RAC2: variants seen among roughly 807,000 people sequenced by gnomAD.
RAC2 encodes the protein Rac family small GTPase 2, also known as ras-related C3 botulinum toxin substrate 2.
A neutral mutation model predicts 24.0 loss-of-function variants in RAC2; 1 was observed. That is an observed-to-expected ratio of 0.04 (90% CI 0.01 to 0.20). RAC2 has a LOEUF of 0.20. Among genes scored for constraint, RAC2 ranks in the 10% least tolerant of loss-of-function variants. The pLI is 1.00. For synonymous variants in RAC2, 114 were observed against 106.8 expected, an observed-to-expected ratio of 1.07 and a Z score of -0.41; for missense variants, 130 against 259.1, an observed-to-expected ratio of 0.50 and a Z score of 3.42.
At chr22:37,238,521 T>C (rs918044426) in intron 2 of RAC2, among the ~76,000 whole-genome samples, 5 of 152,194 alleles carry the variant, frequency 3.3e-5, no homozygotes, top group African/African-American at 1.2e-4. Flanking sequence ...ATTACAGGCA[T>C]GAGCCACGGC....
chr22:37,226,627 C>T, intron 6 of RAC2, 44 bp downstream of exon 6: 1 of 1,605,888 alleles, frequency 6.2e-7, no homozygotes, highest in South Asian at 1.1e-5. Flanking sequence ...TCAGCCAGGG[C>T]CTGCTGTGTA....
At chr22:37,237,972 G>A (rs1002105992) in intron 2 of RAC2, among the ~76,000 whole-genome samples, 20 of 152,010 alleles carry the variant, frequency 1.3e-4, no homozygotes, top group East Asian at 5.8e-4. Flanking sequence ...TCAAGGAGGC[G>A]ATGTTTAAGC....
chr22:37,233,440 G>A lies in RAC2; in HGVS notation c.108-522C>T, dbSNP rs1010309689. 2.6e-4 allele frequency among the ~76,000 whole-genome samples: 39 copies of A among 152,050 alleles called. 1 individual carries two copies. The highest frequency in any genetic ancestry group is 5.3e-4 in the Non-Finnish European group (36 of 67,994). ...TGGGATTACAGGCATGCACCACCAC[G>A]CCCAGCTAATTTTTGTATTTTTAGT... On this transcript the variant is annotated intron_variant, in intron 2 of 6. Transcript: ENST00000249071.
At chr22:37,241,278 C>G in intron 2 of RAC2, 3 of 687,734 alleles carry the variant, frequency 4.4e-6, no homozygotes, top group East Asian at 2.6e-5. Context: ...CGCAGAAGCT[C>G]CTCTCCCAGC....
Position 37,231,028 on chromosome 22 carries a change from A to G in RAC2, c.448+203T>C, listed in dbSNP as rs1315392409. 6.6e-6 allele frequency among the ~76,000 whole-genome samples: 1 copy of G among 152,202 alleles called. No homozygotes were observed. Among genetic ancestry groups the G allele is most frequent in the Non-Finnish European group, 1.5e-5 (1 of 68,018 alleles). Reference sequence around the variant, plus strand: ...CCAACCACCCCAGGAGGCAGGAGCTATCACTATCCCATGCTTTTCTGATAA... The same window carrying G: ...CCAACCACCCCAGGAGGCAGGAGCTGTCACTATCCCATGCTTTTCTGATAA... On this transcript the variant is annotated intron_variant, in intron 5 of 6. Transcript: ENST00000249071. The surrounding 1 kb of genome is among the most constrained non-coding windows in gnomAD (Gnocchi z 5.5).
chr22:37,239,505 A>G (rs1402899308), intron 2 of RAC2, among the ~76,000 whole-genome samples: 2 of 152,148 alleles, frequency 1.3e-5, no homozygotes, highest in African/African-American at 4.8e-5. Context: ...AAAGTCCACT[A>G]GGGGCCACCA....
At position 37,231,787 on chromosome 22, in the gene RAC2, C is replaced by T. The variant is rs1927070788; in HGVS notation, c.288+145G>A. On this transcript the variant is annotated intron_variant, in intron 4 of 6. Coordinates refer to ENST00000249071, the MANE Select transcript of RAC2 (RefSeq NM_002872.5). The surrounding 1 kb of genome is among the most constrained non-coding windows in gnomAD (Gnocchi z 5.5). The stretch of plus-strand genomic sequence containing the variant: ...CTCTGAATCTTACCCCCTCAAGTCC[C>T]TCTGCCAGCCCTGGTTGGCACTGGG... 1.0e-6 allele frequency: 1 copy of T among 960,238 alleles called. No individual in the cohort carries two copies. The highest frequency in any genetic ancestry group is 1.6e-5 in the African/African-American group (1 of 61,434). The allele number at this position is 960,238 out of a possible 1,614,324, so 59.5% of individuals were successfully genotyped here. A position where few individuals can be genotyped will look rare whatever the true frequency, so the allele number is the denominator to read the frequency against.
rs370821323 is a variant in RAC2 at position 37,244,157 on chromosome 22, G to A, written c.-9C>T. The A allele has an allele frequency of 1.1e-5, 17 of 1,613,950 alleles. No homozygotes were observed. The highest frequency in any genetic ancestry group is 3.3e-5 in the Admixed American group (2 of 59,990). On this transcript the variant is annotated 5_prime_UTR_variant, in exon 1 of 7. Transcript: ENST00000249071. ...CACTTGATGGCCTGCATCGTGTCCG[G>A]AGCCTGGAGAGTGTCGGTGGTGACA...
In RAC2 at chr22:37,240,786, G is replaced by A. The variant is rs527739755; in HGVS notation, c.107+801C>T. ...CCGGAGGAGGGGGCACTGGAGCTGC[G>A]CCTGGAGGCTTTAGACAGGTGGATG... On this transcript the variant is annotated intron_variant, in intron 2 of 6. Coordinates refer to ENST00000249071, the MANE Select transcript of RAC2 (RefSeq NM_002872.5). 2.6e-3 allele frequency: 1,333 copies of A among 515,508 alleles called. 3 individuals are homozygous for A. The highest frequency in any genetic ancestry group is 5.4e-3 in the African/African-American group (281 of 52,404). 31.9% of individuals were successfully genotyped at this position (515,508 alleles called of 1,614,324 possible).
rs1388996928 is a variant in RAC2 at position 37,237,213 on chromosome 22, G to GAGGGAGGA, written c.108-4303_108-4296dup. On this transcript the variant is annotated intron_variant, in intron 2 of 6. Coordinates refer to ENST00000249071, the MANE Select transcript of RAC2 (RefSeq NM_002872.5). The stretch of plus-strand genomic sequence containing the variant: ...GAAGGAAGGAAGGAAGGGAGGAAGG[G>GAGGGAGGA]AGGGAGGAAGGGAGGGAGGGAAGGA... Among the ~76,000 whole-genome samples the GAGGGAGGA allele has an allele frequency of 4.1e-3, 608 of 147,374 alleles. 6 individuals are homozygous for GAGGGAGGA. Among genetic ancestry groups the GAGGGAGGA allele is most frequent in the African/African-American group, 0.014 (560 of 39,876 alleles).
rs1052081364 is a variant in RAC2 at position 37,231,910 on chromosome 22, A to G, written c.288+22T>C. On this transcript the variant is annotated intron_variant, in intron 4 of 6. Coordinates refer to ENST00000249071, the MANE Select transcript of RAC2 (RefSeq NM_002872.5). The surrounding 1 kb of genome is among the most constrained non-coding windows in gnomAD (Gnocchi z 5.5). ...AGGGTTACCTGCCCCAGAGCCCCCA[A>G]GGCCCACCCTGTCCAGCTCACCTTG... The G allele has an allele frequency of 5.2e-6, 8 of 1,551,212 alleles. No individual in the cohort carries two copies. Among genetic ancestry groups the G allele is most frequent in the African/African-American group, 4.1e-5 (3 of 72,994 alleles).
intron 5 of RAC2, among the ~76,000 whole-genome samples, chr22:37,227,510 GCCA>G (rs1926909849): frequency 6.5e-5 from 1 of 15,376 alleles, no homozygotes; most frequent in Non-Finnish European, 1.1e-4. Flanking sequence ...CGCCTCCCAT[GCCA>G]TACACCCCTC....
chr22:37,233,002 C>G (rs563276808), intron 2 of RAC2, 84 bp from the exon 3 acceptor site: 1 of 1,054,122 alleles, frequency 9.5e-7, no homozygotes, highest in Non-Finnish European at 1.5e-6. Flanking sequence ...TGTCATTCCT[C>G]GGAGGCTGAG....
intron 6 of RAC2, among the ~76,000 whole-genome samples, chr22:37,226,435 G>A (rs4821611): frequency 0.13 from 20,142 of 152,002 alleles, 1,462 homozygotes; most frequent in East Asian, 0.29. Context: ...TCCCTGGCCC[G>A]GGGGTGGGGG....
chr22:37,239,841 C>T (rs1927334990), intron 2 of RAC2, among the ~76,000 whole-genome samples: 1 of 152,222 alleles, frequency 6.6e-6, no homozygotes, highest in African/African-American at 2.4e-5. Context: ...TCACCTAATT[C>T]TCCCTCCCTG....
chr22:37,238,795 C>T (rs1450622449), intron 2 of RAC2, among the ~76,000 whole-genome samples: 1 of 152,190 alleles, frequency 6.6e-6, no homozygotes, highest in East Asian at 1.9e-4. Context: ...ACAGAGCAGG[C>T]GGCAAGAGCC....
chr22:37,236,761 C>T (rs986415657), intron 2 of RAC2, among the ~76,000 whole-genome samples: 9 of 152,078 alleles, frequency 5.9e-5, no homozygotes, highest in Non-Finnish European at 1.2e-4. Context: ...CCACAGGGCA[C>T]GCATGGCTAG....
At chr22:37,241,530 G>A in intron 2 of RAC2, 57 bp downstream of exon 2, 3 of 1,543,256 alleles carry the variant, frequency 1.9e-6, no homozygotes, top group Middle Eastern at 1.7e-4. Context: ...AAGGGGGGTC[G>A]ACTTGGTGAC....
rs148568509 is a variant in RAC2 at position 37,238,256 on chromosome 22, A to T, written c.107+3331T>A. On this transcript the variant is annotated intron_variant, in intron 2 of 6. Coordinates refer to ENST00000249071, the MANE Select transcript of RAC2 (RefSeq NM_002872.5). ...TCTTTTTATTTTATTTTATTTTTTG[A>T]GACAGGGTCTCACTTTGTTGCCCAG... 4.9e-3 allele frequency among the ~76,000 whole-genome samples: 743 copies of T among 151,888 alleles called. 6 individuals carry two copies. The highest frequency in any genetic ancestry group is 0.017 in the African/African-American group (687 of 41,434).
Sources: allele counts gnomAD v4.1 joint callset (sites outside exome capture counted in the v4.1 genomes callset), GRCh38; gene constraint gnomAD v4.1.1; non-coding constraint Gnocchi (gnomAD v3.1); transcripts MANE v1.5; gene names NCBI Gene and HGNC (gene_info 2026-07-23, HGNC 2026-07-21).